DENND5A: variants seen among roughly 807,000 people sequenced by gnomAD.
The protein encoded by DENND5A is DENN domain containing 5A, also known as DENN domain-containing protein 5A.
DENND5A carries 64 observed loss-of-function variants against 140.3 expected under a neutral mutation model. That is an observed-to-expected ratio of 0.46 (90% confidence interval 0.37 to 0.56). DENND5A has a LOEUF of 0.56. DENND5A is among the 20% of genes least tolerant of loss of function. DENND5A has a pLI of 0.00. For synonymous variants in DENND5A, 605 were observed against 607.7 expected, an observed-to-expected ratio of 1.00 and a Z score of 0.07; for missense variants, 1,292 against 1,593.8, an observed-to-expected ratio of 0.81 and a Z score of 3.22.
chr11:9,188,615 G>A lies in DENND5A; in HGVS notation c.1137+4879C>T, dbSNP rs574491560. Reference sequence around the variant, plus strand: ...ATCCAGGCTGAGGTGGTTTCAGATGGAGATAAGGAACTTGCTGGGAACTGG... The same window carrying A: ...ATCCAGGCTGAGGTGGTTTCAGATGAAGATAAGGAACTTGCTGGGAACTGG... On this transcript the variant is annotated intron_variant, in intron 5 of 22. Transcript: ENST00000328194. Among the ~76,000 whole-genome samples the A allele has an allele frequency of 3.3e-5, 5 of 152,308 alleles. No homozygotes were observed. The South Asian group carries it at 6.2e-4, about 19-fold the overall frequency.
chr11:9,181,072 A>G lies in DENND5A; in HGVS notation c.1150T>C (p.Phe384Leu), dbSNP rs761328650. ...ATGAAGTGGTTGTCAATGTCCACAA[A>G]GCAGAGGTTAGCCTGGAAGTCAAAA... ...LELPQEANLC[F>L]VDIDNHFIEL... Residue 384 changes from phenylalanine to leucine, a missense_variant, in exon 6 of 23, where the codon TTT (phenylalanine) becomes CTT (leucine). Phe to Leu is a conservative substitution (Grantham distance 22). Coordinates refer to ENST00000328194, the MANE Select transcript of DENND5A (RefSeq NM_015213.4). 4.3e-6 allele frequency: 7 copies of G among 1,613,398 alleles called. No individual in the cohort carries two copies. Among genetic ancestry groups the G allele is most frequent in the Non-Finnish European group, 5.9e-6 (7 of 1,179,490 alleles).
At chr11:9,175,109 AAGTT>A (rs1848505211) in intron 8 of DENND5A, 1 of 152,180 alleles carries the variant, frequency 6.6e-6, no homozygotes, top group Non-Finnish European at 1.5e-5. Flanking sequence ...AAGCTATTAA[AAGTT>A]AGTTTAGTAT....
At chr11:9,172,732 A>G (rs761798392) in intron 8 of DENND5A, among the ~76,000 whole-genome samples, 5 of 152,216 alleles carry the variant, frequency 3.3e-5, no homozygotes, top group Non-Finnish European at 7.3e-5. Context: ...TTCCTTTACA[A>G]ATTACCCAGT....
At chr11:9,165,423 T>C (rs1003653842) in intron 11 of DENND5A, among the ~76,000 whole-genome samples, 1 of 151,028 alleles carries the variant, frequency 6.6e-6, no homozygotes, top group Non-Finnish European at 1.5e-5. Flanking sequence ...ATCTTAAAAT[T>C]AGTACTGTCT....
intron 1 of DENND5A, among the ~76,000 whole-genome samples, chr11:9,234,418 A>G (rs1850912819): frequency 6.6e-6 from 1 of 152,138 alleles, no homozygotes; most frequent in Non-Finnish European, 1.5e-5. Context: ...CTACTTGAGT[A>G]GTAGTCAACG....
At chr11:9,264,223 C>T (rs946189847) in intron 1 of DENND5A, among the ~76,000 whole-genome samples, 1 of 152,206 alleles carries the variant, frequency 6.6e-6, no homozygotes, top group Non-Finnish European at 1.5e-5. Context: ...TGACTCCCCT[C>T]ATCACTTTCC....
At chr11:9,179,868 C>G (rs1032626539) in intron 6 of DENND5A, among the ~76,000 whole-genome samples, 10 of 151,854 alleles carry the variant, frequency 6.6e-5, no homozygotes, top group African/African-American at 2.4e-4. Flanking sequence ...TGAAAAATAT[C>G]TAGTCTACTA....
At chr11:9,236,132 A>G (rs546489821) in intron 1 of DENND5A, among the ~76,000 whole-genome samples, 22 of 151,860 alleles carry the variant, frequency 1.4e-4, no homozygotes, top group African/African-American at 4.1e-4. Flanking sequence ...CTGAGGCAAG[A>G]GGATCACATG....
rs1336840341 is a variant in DENND5A at position 9,255,961 on chromosome 11, G to A, written c.109+9000C>T. Among the ~76,000 whole-genome samples the A allele has an allele frequency of 3.3e-5, 5 of 151,610 alleles. No homozygotes were observed. In the South Asian group the frequency reaches 1.0e-3, roughly 32 times the overall value. On this transcript the variant is annotated intron_variant, in intron 1 of 22. Transcript: ENST00000328194. The stretch of plus-strand genomic sequence containing the variant: ...GAATGGCCTGAACCCGGGAGGCAGT[G>A]GTTGCAGTAAGCCAAGATCGCGCCA...
intron 18 of DENND5A, 34 bp from the exon 19 acceptor site, chr11:9,144,312 A>C (rs373289261): frequency 6.2e-7 from 1 of 1,606,602 alleles, no homozygotes; most frequent in Non-Finnish European, 8.5e-7. Context: ...CAGAGCAGCC[A>C]GCTCCTCCCT....
At chr11:9,250,271 CAA>C (rs533567696) in intron 1 of DENND5A, among the ~76,000 whole-genome samples, 4 of 142,104 alleles carry the variant, frequency 2.8e-5, no homozygotes, top group Non-Finnish European at 3.1e-5. Flanking sequence ...AAACTGTCAC[CAA>C]AAAAAAAAAA....
chr11:9,207,654 A>G lies in DENND5A; in HGVS notation c.110-22T>C, dbSNP rs375578828. On this transcript the variant is annotated intron_variant, in intron 1 of 22. Transcript: ENST00000328194. ...AATGCTATATGATAAATGAAATAACAGAGTATTACAATAAAGCAGTGTTAT... is the reference window on the plus strand; with the variant it reads ...AATGCTATATGATAAATGAAATAACGGAGTATTACAATAAAGCAGTGTTAT... 10 of 1,535,042 alleles carry G rather than the reference A, an allele frequency of 6.5e-6. No homozygotes were observed. The Admixed American group carries it at 6.7e-5, about 10-fold the overall frequency.
rs772685391 is a variant in DENND5A, at chr11:9,150,740, C to T, written c.2546G>A (p.Arg849Lys). ...TSGILLDSER[R>K]KSDASSLMPP... The stretch of plus-strand genomic sequence containing the variant: ...CATGAGTGAGCTGGCATCAGACTTC[C>T]TACGTTCTGAATCAAGAAGTATTCC... Residue 849 changes from arginine to lysine, a missense_variant, in exon 14 of 23, where the codon AGG becomes AAG. Physicochemically the swap from Arg to Lys is conservative, Grantham distance 26 (BLOSUM62 2). This residue lies in a region of DENND5A where 498 missense variants were observed against 689.7 expected (regional missense o/e 0.72). Transcript: ENST00000328194. The T allele has an allele frequency of 1.2e-5, 20 of 1,613,214 alleles. No homozygotes were observed. Among genetic ancestry groups the T allele is most frequent in the Middle Eastern group, 3.3e-4 (2 of 6,062 alleles).
rs747015813 is a variant in DENND5A, at chr11:9,178,838, C to T, written c.1671+20G>A. ...GCAAGTTCTCATTCCTCACCACCTCCCAAGCAGGATTACACTCACTTTATC... is the reference window on the plus strand; with the variant it reads ...GCAAGTTCTCATTCCTCACCACCTCTCAAGCAGGATTACACTCACTTTATC... On this transcript the variant is annotated intron_variant, in intron 7 of 22. Transcript: ENST00000328194. 2.5e-6 allele frequency: 4 copies of T among 1,601,774 alleles called. No homozygotes were observed. The highest frequency in any genetic ancestry group is 3.4e-6 in the Non-Finnish European group (4 of 1,169,104).
At position 9,144,265 on chromosome 11, in the gene DENND5A, G is replaced by GAACCTGAAGAT. The variant is rs1564878998; in HGVS notation, c.3135_3136insATCTTCAGGTT (p.Arg1046IlefsTer7). The GAACCTGAAGAT allele has an allele frequency of 6.2e-7, 1 of 1,613,866 alleles. No homozygotes were observed. ...TCATCCATGCCCTTCCCTAACCACC[G>GAACCTGAAGAT]GCCACACGGGAACCTGAAGATCAGA... On this transcript the variant is annotated frameshift_variant, in exon 19 of 23. Coordinates refer to ENST00000328194, the MANE Select transcript of DENND5A (RefSeq NM_015213.4). LOFTEE classifies it high-confidence loss of function.
intron 2 of DENND5A, chr11:9,207,197 T>C: frequency 4.3e-6 from 2 of 469,116 alleles, no homozygotes; most frequent in African/African-American, 2.0e-5. Flanking sequence ...AAACTATGCA[T>C]TTCAATGATC....
At chr11:9,206,931 G>A in intron 2 of DENND5A, 149 bp from the exon 3 acceptor site, 2 of 625,536 alleles carry the variant, frequency 3.2e-6, no homozygotes, top group Non-Finnish European at 2.8e-6. Flanking sequence ...AATAGGAAAG[G>A]CATTAAAGTT....
intron 1 of DENND5A, among the ~76,000 whole-genome samples, chr11:9,217,705 CAG>C (rs952561212): frequency 6.6e-6 from 1 of 152,002 alleles, no homozygotes; most frequent in African/African-American, 2.4e-5. Context: ...CATTAAAAAA[CAG>C]AAATTGTATA....
Position 9,139,477 on chromosome 11 carries a change from A to T in DENND5A, c.*194T>A. The stretch of plus-strand genomic sequence containing the variant: ...CTCTCCCTATCACTCTTTCACATGA[A>T]AGTGTGTAAAAAGCAAATCAGCAAA... On this transcript the variant is annotated 3_prime_UTR_variant, in exon 23 of 23. Transcript: ENST00000328194. The T allele has an allele frequency of 1.7e-6, 1 of 595,314 alleles. No individual in the cohort carries two copies. The highest frequency in any genetic ancestry group is 2.9e-5 in the East Asian group (1 of 34,296). 36.9% of individuals were successfully genotyped at this position (595,314 alleles called of 1,614,324 possible).
Sources: gnomAD v4.1 joint callset for allele counts (sites outside exome capture counted in the v4.1 genomes callset) on GRCh38, gnomAD v4.1.1 for gene constraint, gnomAD v4.1.1 regional missense constraint, MANE v1.5 for transcripts, NCBI Gene and HGNC (gene_info 2026-07-23, HGNC 2026-07-21) for gene names.